The following NFATC2 variants were observed in gnomAD, a reference collection of about 807,000 sequenced individuals.
The protein encoded by NFATC2 is nuclear factor of activated T-cells, cytoplasmic 2.
A neutral mutation model predicts 87.3 loss-of-function variants in NFATC2; 22 were observed. The ratio of observed to expected loss-of-function variants is 0.25; its 90% CI spans 0.18 to 0.36. The LOEUF (loss-of-function observed/expected upper bound fraction) is 0.36. Among genes scored for constraint, NFATC2 ranks in the 10% least tolerant of loss-of-function variants. The pLI is 1.00. For missense variants in NFATC2, 1,149 were observed against 1,259.1 expected, an observed-to-expected ratio of 0.91 and a Z score of 1.32; for synonymous variants, 565 against 542.2, an observed-to-expected ratio of 1.04 and a Z score of -0.58.
intron 1 of NFATC2, among the ~76,000 whole-genome samples, chr20:51,531,573 T>G (rs2076634060): frequency 6.6e-6 from 1 of 152,066 alleles, no homozygotes; most frequent in African/African-American, 2.4e-5. Flanking sequence ...CAACAGAGGG[T>G]AGCACGGGGT....
intron 5 of NFATC2, among the ~76,000 whole-genome samples, chr20:51,470,498 T>C (rs921592136): frequency 9.9e-5 from 15 of 152,210 alleles, no homozygotes; most frequent in African/African-American, 3.4e-4. Flanking sequence ...GTTCATGTTG[T>C]TTCTGCTAGC....
chr20:51,394,382 TCCCCCCTC>T (rs1356164306), intron 10 of NFATC2, among the ~76,000 whole-genome samples: 5 of 89,288 alleles, frequency 5.6e-5, no homozygotes, highest in African/African-American at 2.1e-4. Context: ...TCTCTGTCTG[TCCCCCCTC>T]AGCACTGTTC....
At chr20:51,446,779 T>A (rs1403674879) in intron 6 of NFATC2, among the ~76,000 whole-genome samples, 3 of 152,210 alleles carry the variant, frequency 2.0e-5, no homozygotes, top group Non-Finnish European at 2.9e-5. Flanking sequence ...GGAGAGCAGC[T>A]TCGTGTCCCA....
intron 10 of NFATC2, among the ~76,000 whole-genome samples, chr20:51,393,588 A>T (rs1986630332): frequency 6.6e-6 from 1 of 152,206 alleles, no homozygotes; most frequent in African/African-American, 2.4e-5. Flanking sequence ...CCTAAACCAG[A>T]AGCTGAATAA....
chr20:51,487,961 C>A (rs78465300), intron 3 of NFATC2, among the ~76,000 whole-genome samples: 1 of 152,098 alleles, frequency 6.6e-6, no homozygotes, highest in Non-Finnish European at 1.5e-5. Context: ...GGCGCTGAGA[C>A]GGGCTCTGTC....
In NFATC2 at chr20:51,562,073, CGCT is replaced by C. The variant is rs2077037655; in HGVS notation, c.70+484_70+486del. On this transcript the variant is annotated intron_variant, in intron 1 of 10. Coordinates refer to the NFATC2 transcript ENST00000414705. The surrounding 1 kb of genome is among the most constrained non-coding windows in gnomAD (Gnocchi z 5.8). ...AATAGTTTAAATGTCCCAGAGCATCCGCTGCTGCTGTAACTGTTAGAAAGCAAA... is the reference window on the plus strand; with the variant it reads ...AATAGTTTAAATGTCCCAGAGCATCCGCTGCTGTAACTGTTAGAAAGCAAA... 6.6e-6 allele frequency among the ~76,000 whole-genome samples: 1 copy of C among 152,238 alleles called. No homozygotes were observed. Among genetic ancestry groups the C allele is most frequent in the Admixed American group, 6.5e-5 (1 of 15,282 alleles).
Position 51,432,809 on chromosome 20 carries a change from T to A in NFATC2, c.2033-53A>T, listed in dbSNP as rs1982973003. On this transcript the variant is annotated intron_variant, in intron 8 of 10. Coordinates refer to ENST00000371564, the MANE Select transcript of NFATC2 (RefSeq NM_012340.5). The surrounding 1 kb of genome is among the most constrained non-coding windows in gnomAD (Gnocchi z 4.6). ...CGCCCATGGCAGTGAGCCACGGATG[T>A]GCACGGAGGATTCGTGGATGGTGCT... 4 of 1,457,568 alleles carry A rather than the reference T, an allele frequency of 2.7e-6. No individual in the cohort carries two copies. Among genetic ancestry groups the A allele is most frequent in the Non-Finnish European group, 3.6e-6 (4 of 1,100,048 alleles). The allele number at this position is 1,457,568 out of a possible 1,614,324, so 90.3% of individuals were successfully genotyped here. A position where few individuals can be genotyped will look rare whatever the true frequency, so the allele number is the denominator to read the frequency against.
chr20:51,551,455 G>C (rs1823017301), intron 1 of NFATC2, among the ~76,000 whole-genome samples: 1 of 152,028 alleles, frequency 6.6e-6, no homozygotes, highest in Non-Finnish European at 1.5e-5. Context: ...CCAGGATGGA[G>C]TGCAGTGGCG....
intron 6 of NFATC2, among the ~76,000 whole-genome samples, chr20:51,436,720 A>C (rs1216043718): frequency 2.0e-5 from 1 of 51,038 alleles, no homozygotes. Flanking sequence ...GTCTCAAAAC[A>C]AACAAACAAA....
At chr20:51,391,472 G>GGC in intron 10 of NFATC2, 21 bp from the exon 11 acceptor site, 1 of 1,587,062 alleles carries the variant, frequency 6.3e-7, no homozygotes, top group South Asian at 1.1e-5. Context: ...AAAGAGGAGG[G>GGC]GGGGGGAGAG....
chr20:51,447,331 C>T (rs144873708), intron 6 of NFATC2, among the ~76,000 whole-genome samples: 35 of 152,334 alleles, frequency 2.3e-4, no homozygotes, highest in African/African-American at 7.5e-4. Flanking sequence ...ACAAAAAATT[C>T]TCTTCAAACA....
At chr20:51,412,551 C>T (rs1979401830) in intron 9 of NFATC2, among the ~76,000 whole-genome samples, 1 of 152,208 alleles carries the variant, frequency 6.6e-6, no homozygotes, top group African/African-American at 2.4e-5. Flanking sequence ...TTTCCACCCC[C>T]AGAAACAGCC....
intron 1 of NFATC2, among the ~76,000 whole-genome samples, chr20:51,561,131 A>AT (rs11417316): frequency 0.27 from 40,567 of 151,420 alleles, 5,564 homozygotes; most frequent in Middle Eastern, 0.32. Flanking sequence ...ATATCAGTAA[A>AT]TTTTTTTTGC....
chr20:51,562,433 A>C lies in NFATC2; in HGVS notation c.70+127T>G. 1 of 805,690 alleles carries C rather than the reference A, an allele frequency of 1.2e-6. No individual in the cohort carries two copies. The allele number at this position is 805,690 out of a possible 1,614,324, so 49.9% of individuals were successfully genotyped here. ...CCCCGCTACCTGTGCGCCGAGGGCG[A>C]GCGGGGTCCCCAGGCCTCCCGCACC... is the stretch of plus-strand genomic sequence containing the variant. On this transcript the variant is annotated intron_variant, in intron 1 of 10. Transcript: ENST00000414705. This position sits in a 1 kb window ranked among gnomAD's most constrained non-coding sequence, Gnocchi z 5.8.
chr20:51,486,976 G>A (rs1989761946), intron 3 of NFATC2, among the ~76,000 whole-genome samples: 1 of 152,212 alleles, frequency 6.6e-6, no homozygotes, highest in Non-Finnish European at 1.5e-5. Flanking sequence ...TGAAAGCACA[G>A]CAGCCTGGCA....
intron 3 of NFATC2, among the ~76,000 whole-genome samples, chr20:51,510,172 C>T (rs1211187809): frequency 2.0e-5 from 3 of 152,204 alleles, no homozygotes; most frequent in Non-Finnish European, 4.4e-5. Flanking sequence ...GTAAGAATAA[C>T]ATTTTTTGAA....
chr20:51,432,327 C>A lies in NFATC2; in HGVS notation c.2462G>T (p.Arg821Leu), dbSNP rs373570203. 1.9e-6 allele frequency: 3 copies of A among 1,614,010 alleles called. No homozygotes were observed. The highest frequency in any genetic ancestry group is 2.5e-6 in the Non-Finnish European group (3 of 1,180,014). Residue 821 changes from arginine to leucine, a missense_variant, in exon 9 of 11, where the codon CGC (arginine) becomes CTC (leucine). Arg to Leu is a moderately radical substitution (Grantham distance 102). Around this residue, in one of 3 missense-constraint regions of NFATC2, gnomAD observed 581 missense variants for 649.7 expected, o/e 0.89. Transcript: ENST00000371564. The surrounding 1 kb of genome is among the most constrained non-coding windows in gnomAD (Gnocchi z 4.6). ...IHYSPTNQQL[R>L]CGSHQEFQHI... ...CTGGAACTCCTGGTGGCTTCCGCAG[C>A]GCAGCTGCTGGTTGGTGGGTGAGTA...
chr20:51,424,686 A>T (rs1021658072), intron 9 of NFATC2, among the ~76,000 whole-genome samples: 1 of 152,192 alleles, frequency 6.6e-6, no homozygotes, highest in Non-Finnish European at 1.5e-5. Flanking sequence ...ATGGGTCCCC[A>T]TTGACCAAAT....
intron 1 of NFATC2, among the ~76,000 whole-genome samples, chr20:51,536,100 C>T (rs1191417471): frequency 1.3e-5 from 2 of 152,232 alleles, no homozygotes; most frequent in East Asian, 3.8e-4. Context: ...AATAGCAGAG[C>T]TCCCTGTCAT....
Sources: allele counts gnomAD v4.1 joint callset (sites outside exome capture counted in the v4.1 genomes callset), GRCh38; gene constraint gnomAD v4.1.1; regional missense constraint gnomAD v4.1.1; non-coding constraint Gnocchi (gnomAD v3.1); transcripts MANE v1.5; gene names NCBI Gene and HGNC (gene_info 2026-07-23, HGNC 2026-07-21).